The following TENM2 variants were observed in gnomAD, a reference collection of about 807,000 sequenced individuals.
The protein encoded by TENM2 is teneurin-2.
In TENM2, 52 loss-of-function variants were observed where a neutral mutation model predicts 245.2. The ratio of observed to expected loss-of-function variants is 0.21; its 90% CI spans 0.17 to 0.27. The LOEUF is 0.27. Among genes scored for constraint, TENM2 ranks in the 10% least tolerant of loss-of-function variants. The pLI, the probability that TENM2 is intolerant of heterozygous loss-of-function variation, is 1.00. For missense variants in TENM2, 3,046 were observed against 3,666.8 expected, an observed-to-expected ratio of 0.83 and a Z score of 4.37; for synonymous variants, 1,363 against 1,438.9, an observed-to-expected ratio of 0.95 and a Z score of 1.19.
In TENM2 at chr5:167,470,454, C is replaced by CTTTTTTTTTTTTTTTTT. The variant is rs749016436; in HGVS notation, c.502+94987_502+95003dup. Among the ~76,000 whole-genome samples the CTTTTTTTTTTTTTTTTT allele has an allele frequency of 5.7e-3, 271 of 47,382 alleles. 32 individuals are homozygous for CTTTTTTTTTTTTTTTTT. The highest frequency in any genetic ancestry group is 0.059 in the Middle Eastern group (2 of 34). 31.1% of individuals were successfully genotyped at this position (47,382 alleles called of 152,430 possible). The stretch of plus-strand genomic sequence containing the variant: ...TACAGAGAGGTATGGGCAATGCTTG[C>CTTTTTTTTTTTTTTTTT]TTTTTTTTTTTTTTTTTTTTTTGCT... On this transcript the variant is annotated intron_variant, in intron 2 of 28. Transcript: ENST00000518659.
At chr5:167,267,420 C>A in the TENM2 span, among the ~76,000 whole-genome samples, 1 of 152,052 alleles carries the variant, frequency 6.6e-6, no homozygotes, top group Non-Finnish European at 1.5e-5. Flanking sequence ...AATGAAGAAG[C>A]CAGATTCACT....
chr5:167,418,033 T>C (rs1416411961), intron 2 of TENM2, among the ~76,000 whole-genome samples: 1 of 152,166 alleles, frequency 6.6e-6, no homozygotes, highest in Non-Finnish European at 1.5e-5. Flanking sequence ...ACAATCAAAT[T>C]AAACTGCTTT....
At chr5:167,091,815 G>T in the TENM2 span, among the ~76,000 whole-genome samples, 35 of 152,234 alleles carry the variant, frequency 2.3e-4, 1 homozygote, top group South Asian at 7.0e-3. Flanking sequence ...TAACAACCAA[G>T]TAGAAATAGA....
intron 9 of TENM2, among the ~76,000 whole-genome samples, chr5:168,103,286 G>T (rs1167429603): frequency 6.6e-6 from 1 of 152,146 alleles, no homozygotes; most frequent in Non-Finnish European, 1.5e-5. Flanking sequence ...CATACAGAGC[G>T]CACCCAGCTT....
chr5:167,539,603 A>G (rs1487164756), intron 2 of TENM2, among the ~76,000 whole-genome samples: 1 of 152,216 alleles, frequency 6.6e-6, no homozygotes, highest in East Asian at 1.9e-4. Flanking sequence ...TCTTACGGGA[A>G]GATGAGACCT....
At chr5:167,991,620 T>A (rs1783672544) in intron 4 of TENM2, among the ~76,000 whole-genome samples, 1 of 152,230 alleles carries the variant, frequency 6.6e-6, no homozygotes, top group Non-Finnish European at 1.5e-5. Flanking sequence ...TATCCTCTTC[T>A]ACACTGCCTG....
chr5:167,086,935 A>G, the TENM2 span, among the ~76,000 whole-genome samples: 12 of 101,174 alleles, frequency 1.2e-4, no homozygotes, highest in African/African-American at 7.1e-4. Context: ...ACACGCACAC[A>G]CACACACACA....
intron 2 of TENM2, among the ~76,000 whole-genome samples, chr5:167,731,115 G>A (rs537985746): frequency 1.1e-4 from 16 of 151,418 alleles, no homozygotes; most frequent in Non-Finnish European, 2.4e-4. Flanking sequence ...CTTGAAAGAT[G>A]CAAATAATCT....
At chr5:168,178,886 A>T (rs890978701) in intron 13 of TENM2, among the ~76,000 whole-genome samples, 14 of 152,046 alleles carry the variant, frequency 9.2e-5, no homozygotes, top group Admixed American at 6.5e-5. Flanking sequence ...AGAAGTCAAG[A>T]GGCTTCGGGA....
chr5:167,098,813 C>G, the TENM2 span, among the ~76,000 whole-genome samples: 12 of 152,306 alleles, frequency 7.9e-5, no homozygotes, highest in African/African-American at 2.9e-4. Flanking sequence ...AAGCATGACG[C>G]TTTCCATTCT....
intron 1 of TENM2, among the ~76,000 whole-genome samples, chr5:167,304,314 C>T (rs1203398677): frequency 6.6e-6 from 1 of 152,186 alleles, no homozygotes; most frequent in South Asian, 2.1e-4. Flanking sequence ...TGTTGGCTTT[C>T]CCTTTCCTTG....
At chr5:168,188,702 C>G (rs1760691093) in intron 13 of TENM2, among the ~76,000 whole-genome samples, 1 of 152,172 alleles carries the variant, frequency 6.6e-6, no homozygotes, top group Non-Finnish European at 1.5e-5. Context: ...TTGGCATTAA[C>G]AATGGTTTTT....
At chr5:168,099,295 G>A (rs1420270855) in intron 9 of TENM2, among the ~76,000 whole-genome samples, 1 of 152,112 alleles carries the variant, frequency 6.6e-6, no homozygotes, top group Admixed American at 6.5e-5. Flanking sequence ...AAATAGTGAA[G>A]GGGCAGTTGA....
intron 2 of TENM2, among the ~76,000 whole-genome samples, chr5:167,582,575 C>A (rs1243503694): frequency 1.3e-5 from 2 of 152,100 alleles, no homozygotes; most frequent in African/African-American, 4.8e-5. Flanking sequence ...GAACTGAAAT[C>A]ATTAATCAGT....
chr5:167,956,381 T>A lies in TENM2; in HGVS notation c.947+3559T>A, dbSNP rs1428884646. 2.0e-5 allele frequency among the ~76,000 whole-genome samples: 3 copies of A among 152,164 alleles called. No individual in the cohort carries two copies. The East Asian group carries it at 5.8e-4, about 29-fold the overall frequency. On this transcript the variant is annotated intron_variant, in intron 4 of 28. Transcript: ENST00000518659. ...TAAGGAGATTTTTGGGCAGAGATGATGGAGTTTTCTAAATATACAATCATA... is the reference window on the plus strand; with the variant it reads ...TAAGGAGATTTTTGGGCAGAGATGAAGGAGTTTTCTAAATATACAATCATA...
At chr5:167,349,979 AT>A (rs1758721246) in intron 1 of TENM2, among the ~76,000 whole-genome samples, 1 of 152,214 alleles carries the variant, frequency 6.6e-6, no homozygotes, top group African/African-American at 2.4e-5. Context: ...TTTTAAATTT[AT>A]AGTACAAATA....
intron 2 of TENM2, among the ~76,000 whole-genome samples, chr5:167,814,998 G>C (rs1204224418): frequency 2.0e-5 from 3 of 152,254 alleles, no homozygotes; most frequent in Admixed American, 6.5e-5. Context: ...CAGTGGGGAT[G>C]AGTGTGAATC....
At chr5:167,338,935 C>A (rs115598164) in intron 1 of TENM2, among the ~76,000 whole-genome samples, 1 of 152,266 alleles carries the variant, frequency 6.6e-6, no homozygotes, top group Non-Finnish European at 1.5e-5. Flanking sequence ...AACCTCATCA[C>A]ACCATTTAAC....
intron 13 of TENM2, among the ~76,000 whole-genome samples, chr5:168,174,286 G>T (rs1759132291): frequency 6.6e-6 from 1 of 152,116 alleles, no homozygotes. Context: ...TAGTCAAGAG[G>T]CTTTGGGATT....
Sources: allele counts gnomAD v4.1 joint callset (sites outside exome capture counted in the v4.1 genomes callset), GRCh38; gene constraint gnomAD v4.1.1; transcripts MANE v1.5; gene names NCBI Gene and HGNC (gene_info 2026-07-23, HGNC 2026-07-21).